The following ATE1 variants were observed in gnomAD, a reference collection of about 807,000 sequenced individuals.
ATE1 encodes the protein arginyltransferase 1.
A neutral mutation model predicts 70.5 loss-of-function variants in ATE1; 36 were observed. The ratio of observed to expected loss-of-function variants is 0.51; its 90% CI spans 0.39 to 0.67. The LOEUF is 0.67. ATE1 is among the 30% of genes least tolerant of loss of function. ATE1 has a pLI of 0.00. For missense variants in ATE1, 593 were observed against 629.5 expected, an observed-to-expected ratio of 0.94 and a Z score of 0.62; for synonymous variants, 232 against 219.3, an observed-to-expected ratio of 1.06 and a Z score of -0.51.
At chr10:121,767,674 C>A (rs112331648) in intron 11 of ATE1, among the ~76,000 whole-genome samples, 5,441 of 152,192 alleles carry the variant, frequency 0.036, 348 homozygotes, top group African/African-American at 0.13. Context: ...AGGTGATCAA[C>A]AACATTAATC....
At chr10:121,776,495 C>T (rs968776905) in intron 11 of ATE1, among the ~76,000 whole-genome samples, 1 of 152,192 alleles carries the variant, frequency 6.6e-6, no homozygotes, top group Non-Finnish European at 1.5e-5. Flanking sequence ...CTACCACTGC[C>T]GTATCACTAA....
intron 10 of ATE1, among the ~76,000 whole-genome samples, chr10:121,833,283 T>C (rs1189694797): frequency 6.7e-6 from 1 of 149,320 alleles, no homozygotes; most frequent in Admixed American, 6.6e-5. Flanking sequence ...ATCCCATTCA[T>C]GCTCAACAAA....
At chr10:121,832,632 C>T (rs1388622162) in intron 10 of ATE1, among the ~76,000 whole-genome samples, 4 of 152,126 alleles carry the variant, frequency 2.6e-5, no homozygotes, top group African/African-American at 4.8e-5. Flanking sequence ...CTCTTGCCAC[C>T]GCCACGTAAG....
At chr10:121,875,479 AT>A (rs1234599556) in intron 7 of ATE1, among the ~76,000 whole-genome samples, 6 of 151,712 alleles carry the variant, frequency 4.0e-5, no homozygotes, top group Admixed American at 3.3e-4. Flanking sequence ...TAATTCTTGT[AT>A]TTTTAGTAGA....
chr10:121,915,048 AT>A (rs1344729601), intron 3 of ATE1, among the ~76,000 whole-genome samples: 5 of 152,210 alleles, frequency 3.3e-5, no homozygotes, highest in African/African-American at 1.2e-4. Context: ...AAAAGTCAGA[AT>A]CACCAGACAC....
chr10:121,760,903 TC>T (rs1186343587), intron 11 of ATE1, among the ~76,000 whole-genome samples: 2 of 152,194 alleles, frequency 1.3e-5, no homozygotes, highest in Non-Finnish European at 2.9e-5. Context: ...CATATGTTTG[TC>T]CTCCCAAACA....
intron 7 of ATE1, 67 bp downstream of exon 7, chr10:121,899,799 C>A (rs1183392546): frequency 1.9e-6 from 3 of 1,550,058 alleles, no homozygotes; most frequent in Non-Finnish European, 2.6e-6. Context: ...ACCAAGATTT[C>A]ATTAAATGAT....
chr10:121,784,606 C>T (rs1228694285), intron 11 of ATE1, among the ~76,000 whole-genome samples: 1 of 152,130 alleles, frequency 6.6e-6, no homozygotes, highest in African/African-American at 2.4e-5. Flanking sequence ...GCCTGTGATC[C>T]CAGCACTTTG....
At chr10:121,791,073 T>TAC (rs1419943330) in intron 10 of ATE1, among the ~76,000 whole-genome samples, 1 of 55,338 alleles carries the variant, frequency 1.8e-5, no homozygotes, top group African/African-American at 5.5e-5. Flanking sequence ...TGTGTGTGTG[T>TAC]GTGTGTGTGT....
intron 8 of ATE1, among the ~76,000 whole-genome samples, chr10:121,848,779 T>C (rs1429437771): frequency 6.8e-6 from 1 of 148,134 alleles, no homozygotes; most frequent in Non-Finnish European, 1.5e-5. Flanking sequence ...GGCATGGTGA[T>C]GGGCGCCTGT....
intron 9 of ATE1, among the ~76,000 whole-genome samples, chr10:121,838,401 C>T (rs1416031244): frequency 1.3e-5 from 2 of 152,036 alleles, no homozygotes; most frequent in African/African-American, 4.8e-5. Context: ...GCATAAGGCT[C>T]TCTACGTCCT....
intron 10 of ATE1, among the ~76,000 whole-genome samples, chr10:121,804,942 T>C (rs1455934416): frequency 6.6e-6 from 1 of 151,842 alleles, no homozygotes. Flanking sequence ...ATTAAGGGAG[T>C]TTTAACTCTC....
intron 10 of ATE1, among the ~76,000 whole-genome samples, chr10:121,803,449 T>C (rs1241131189): frequency 1.3e-5 from 2 of 152,214 alleles, no homozygotes; most frequent in African/African-American, 4.8e-5. Flanking sequence ...ATATTCTTTT[T>C]CTGTTAAAAT....
chr10:121,753,622 T>C (rs1198890654), intron 11 of ATE1, among the ~76,000 whole-genome samples: 1 of 152,160 alleles, frequency 6.6e-6, no homozygotes, highest in Non-Finnish European at 1.5e-5. Context: ...GCTGGTAGGA[T>C]CTGTAAATAC....
At chr10:121,764,175 CTCAAT>C (rs1478031043) in intron 11 of ATE1, among the ~76,000 whole-genome samples, 3 of 148,460 alleles carry the variant, frequency 2.0e-5, no homozygotes, top group African/African-American at 7.5e-5. Context: ...GAGCTTTCTG[CTCAAT>C]TCTTCTGTGA....
chr10:121,853,320 T>C (rs1023560644), intron 8 of ATE1, among the ~76,000 whole-genome samples: 86 of 138,776 alleles, frequency 6.2e-4, no homozygotes, highest in African/African-American at 2.0e-3. Flanking sequence ...GCAGAGATCA[T>C]GCCACTGATC....
intron 7 of ATE1, chr10:121,899,071 G>A (rs773460267): frequency 1.5e-6 from 2 of 1,357,548 alleles, no homozygotes; most frequent in Non-Finnish European, 2.0e-6. Context: ...CCACGCCAAA[G>A]CTCGAACTCG....
intron 11 of ATE1, among the ~76,000 whole-genome samples, chr10:121,754,970 A>T (rs1944734299): frequency 6.6e-6 from 1 of 152,232 alleles, no homozygotes; most frequent in Admixed American, 6.5e-5. Flanking sequence ...TGATGAACAC[A>T]AATGAAAAAC....
chr10:121,829,921 A>G (rs1003314936), intron 10 of ATE1, among the ~76,000 whole-genome samples: 1 of 152,150 alleles, frequency 6.6e-6, no homozygotes, highest in Non-Finnish European at 1.5e-5. Context: ...GGCTAAATTT[A>G]CCCCCACTCA....
Sources: allele counts gnomAD v4.1 joint callset (sites outside exome capture counted in the v4.1 genomes callset), GRCh38; gene constraint gnomAD v4.1.1; transcripts MANE v1.5; gene names NCBI Gene and HGNC (gene_info 2026-07-23, HGNC 2026-07-21).